SERPINB10: variants seen among roughly 807,000 people sequenced by gnomAD.
SERPINB10 encodes the protein serpin B10.
Under a neutral mutation model 39.1 loss-of-function variants are expected in SERPINB10, and 35 were observed. The ratio of observed to expected loss-of-function variants is 0.90; its 90% CI spans 0.68 to 1.19. The LOEUF (loss-of-function observed/expected upper bound fraction) is 1.19, where lower values mean the gene tolerates loss of function less well. Among genes scored for constraint, SERPINB10 ranks in the 50% most tolerant of loss-of-function variants. The pLI, the probability that SERPINB10 is intolerant of heterozygous loss-of-function variation, is 0.00. For synonymous variants in SERPINB10, 190 were observed against 158.1 expected (o/e 1.20, Z -1.52); for missense variants, 546 against 460.5 (o/e 1.19, Z -1.70).
intron 5 of SERPINB10, among the ~76,000 whole-genome samples, chr18:63,925,669 A>T (rs927004983): frequency 5.9e-5 from 9 of 152,054 alleles, no homozygotes; most frequent in African/African-American, 2.2e-4. Flanking sequence ...AAATAAATGA[A>T]GAAGGGAAGG....
At position 63,930,207 on chromosome 18, in the gene SERPINB10, C is replaced by A; in HGVS notation, c.633+20C>A. The A allele has an allele frequency of 6.2e-7, 1 of 1,610,484 alleles. No homozygotes were observed. Among genetic ancestry groups the A allele is most frequent in the South Asian group, 1.1e-5 (1 of 90,928 alleles). On this transcript the variant is annotated intron_variant, in intron 6 of 7. Coordinates refer to ENST00000238508, the MANE Select transcript of SERPINB10 (RefSeq NM_005024.3). ...AACGAGGTAGGAAATTTTTAAAGAT[C>A]AGTTTGGATTTTCACATGGCATTGT...
chr18:63,917,876 C>T, intron 3 of SERPINB10, 89 bp from the exon 4 acceptor site: 1 of 1,223,830 alleles, frequency 8.2e-7, no homozygotes, highest in Non-Finnish European at 1.2e-6. Context: ...GTTTGCAATT[C>T]CCCAAATAAT....
chr18:63,919,930 C>T (rs1375170617), intron 5 of SERPINB10, 25 bp downstream of exon 5: 2 of 1,450,864 alleles, frequency 1.4e-6, no homozygotes, highest in Admixed American at 3.9e-5. Context: ...AGGGGTTTGG[C>T]AGCGTGCTTT....
intron 5 of SERPINB10, among the ~76,000 whole-genome samples, 175 bp from the exon 6 acceptor site, chr18:63,929,866 CTATT>C (rs1259540852): frequency 6.6e-6 from 1 of 152,000 alleles, no homozygotes; most frequent in Admixed American, 6.6e-5. Flanking sequence ...CAGGGTTTCT[CTATT>C]TATTCACAGC....
At chr18:63,927,282 A>T (rs1381979771) in intron 5 of SERPINB10, among the ~76,000 whole-genome samples, 1 of 152,074 alleles carries the variant, frequency 6.6e-6, no homozygotes, top group African/African-American at 2.4e-5. Context: ...AAAATTAGAA[A>T]TGAAGGTTGA....
chr18:63,921,794 G>A (rs2050148524), intron 5 of SERPINB10, among the ~76,000 whole-genome samples: 1 of 151,802 alleles, frequency 6.6e-6, no homozygotes, highest in Non-Finnish European at 1.5e-5. Flanking sequence ...TTAAACTCTT[G>A]TCACTCCCTG....
chr18:63,917,652 C>CT (rs1250539024), intron 3 of SERPINB10, 131 bp downstream of exon 3: 3 of 564,502 alleles, frequency 5.3e-6, no homozygotes, highest in Non-Finnish European at 9.1e-6. Flanking sequence ...GTTACAGAAA[C>CT]TTTTTTTGGA....
chr18:63,913,764 T>C (rs2144719680), intron 1 of SERPINB10, among the ~76,000 whole-genome samples: 1 of 152,166 alleles, frequency 6.6e-6, no homozygotes, highest in Middle Eastern at 3.4e-3. Context: ...GGCTGGAGTA[T>C]TCTGTAGATG....
intron 5 of SERPINB10, among the ~76,000 whole-genome samples, chr18:63,924,918 G>T (rs73961818): frequency 0.01 from 1,548 of 151,850 alleles, 20 homozygotes; most frequent in African/African-American, 0.036. Context: ...CAGCATTTTT[G>T]ACTATAAATT....
At position 63,917,454 on chromosome 18, in the gene SERPINB10, AG is replaced by A; in HGVS notation, c.169del. On this transcript the variant is annotated splice_acceptor_variant, in intron 2 of 7. Transcript: ENST00000238508. LOFTEE classifies it high-confidence loss of function. Reference sequence around the variant, plus strand: ...TCATTTGTATTTTTATTGAAATTACAGGTGCTTCAATTTAACAGAGACCAGG... The same window carrying A: ...TCATTTGTATTTTTATTGAAATTACAGTGCTTCAATTTAACAGAGACCAGG... The A allele has an allele frequency of 1.3e-6, 2 of 1,555,652 alleles. No individual in the cohort carries two copies. The highest frequency in any genetic ancestry group is 1.7e-6 in the Non-Finnish European group (2 of 1,147,480).
In SERPINB10 at chr18:63,934,938, A is replaced by G. The variant is rs2050250758; in HGVS notation, c.890A>G (p.Glu297Gly). The change falls in exon 8 of 8, where the codon GAA becomes GGA. Residue 297 changes from glutamate to glycine, a missense_variant. By Grantham distance (98) the Glu-to-Gly change is moderately conservative (BLOSUM62 -2). Coordinates refer to ENST00000238508, the MANE Select transcript of SERPINB10 (RefSeq NM_005024.3). ...VQLHLPKFKL[E>G]DSYDLKSTLS... Reference sequence around the variant, plus strand: ...CTACACCTTCCCAAGTTCAAGCTGGAAGACAGTTATGATCTCAAGTCAACC... The same window carrying G: ...CTACACCTTCCCAAGTTCAAGCTGGGAGACAGTTATGATCTCAAGTCAACC... 1.2e-6 allele frequency: 2 copies of G among 1,614,244 alleles called. No homozygotes were observed. The highest frequency in any genetic ancestry group is 2.7e-5 in the African/African-American group (2 of 75,060).
rs143009235 is a variant in SERPINB10 at position 63,917,492 on chromosome 18, G to T, written c.205G>T (p.Asp69Tyr). The change falls in exon 3 of 8, where the codon GAC becomes TAC. Residue 69 changes from aspartate to tyrosine, a missense_variant. Asp to Tyr is a radical substitution (Grantham distance 160). Coordinates refer to ENST00000238508, the MANE Select transcript of SERPINB10 (RefSeq NM_005024.3). ...QFNRDQGVKCDPESEKKRKME... is the reference protein window; with the variant it reads ...QFNRDQGVKCYPESEKKRKME... ...TAACAGAGACCAGGGAGTCAAATGT[G>T]ACCCTGAAAGTGAAAAAAAAAGGAA... is the stretch of plus-strand genomic sequence containing the variant. 8,563 of 1,577,830 alleles carry T rather than the reference G, an allele frequency of 5.4e-3. 34 individuals carry two copies. The highest frequency in any genetic ancestry group is 0.011 in the Middle Eastern group (64 of 5,690).
Position 63,930,133 on chromosome 18 carries a change from G to A in SERPINB10, c.579G>A (p.Trp193Ter), listed in dbSNP as rs1459997133. ...LVNALYFKGI[W>*]EHQFLVQNTT... is the part of the protein sequence containing the mutation. Reference sequence around the variant, plus strand: ...ACGCCCTATACTTTAAAGGAATCTGGGAACATCAATTCTTAGTGCAAAACA... The same window carrying A: ...ACGCCCTATACTTTAAAGGAATCTGAGAACATCAATTCTTAGTGCAAAACA... The change falls in exon 6 of 8, where the codon TGG (tryptophan) becomes TGA (stop). Residue 193 changes from tryptophan to a stop codon, truncating the protein, a stop_gained. Coordinates refer to ENST00000238508, the MANE Select transcript of SERPINB10 (RefSeq NM_005024.3). LOFTEE classifies it high-confidence loss of function. 1 of 1,613,474 alleles carries A rather than the reference G, an allele frequency of 6.2e-7. No individual in the cohort carries two copies. The highest frequency in any genetic ancestry group is 2.2e-5 in the East Asian group (1 of 44,858).
intron 1 of SERPINB10, among the ~76,000 whole-genome samples, chr18:63,908,421 G>A (rs1176512333): frequency 1.3e-5 from 2 of 151,930 alleles, no homozygotes; most frequent in African/African-American, 2.4e-5. Context: ...CTCTCAGGAC[G>A]GTTGAGCCAA....
intron 5 of SERPINB10, among the ~76,000 whole-genome samples, chr18:63,923,345 G>C (rs2050159386): frequency 1.3e-5 from 2 of 151,936 alleles, no homozygotes; most frequent in South Asian, 4.1e-4. Flanking sequence ...CTTTGTCGAG[G>C]CAGAGTTCCA....
At chr18:63,932,705 C>A (rs185659017) in intron 6 of SERPINB10, among the ~76,000 whole-genome samples, 1 of 152,198 alleles carries the variant, frequency 6.6e-6, no homozygotes, top group Admixed American at 6.5e-5. Context: ...AATACTTTCT[C>A]AAATATTTTC....
intron 5 of SERPINB10, among the ~76,000 whole-genome samples, chr18:63,929,191 A>G (rs1305951486): frequency 1.3e-5 from 2 of 152,150 alleles, no homozygotes; most frequent in African/African-American, 4.8e-5. Context: ...TAATCTCCAT[A>G]TATGTATATA....
intron 5 of SERPINB10, among the ~76,000 whole-genome samples, chr18:63,921,181 A>G (rs1466767828): frequency 5.9e-5 from 9 of 152,006 alleles, no homozygotes; most frequent in Non-Finnish European, 1.0e-4. Context: ...AATGAAGATT[A>G]ATTCATCATT....
chr18:63,920,625 AG>A (rs1345913285), intron 5 of SERPINB10, among the ~76,000 whole-genome samples: 4 of 152,002 alleles, frequency 2.6e-5, no homozygotes, highest in African/African-American at 9.7e-5. Context: ...ATGCCCTGGA[AG>A]TTTCACATGT....
Sources: allele counts gnomAD v4.1 joint callset (sites outside exome capture counted in the v4.1 genomes callset), GRCh38; gene constraint gnomAD v4.1.1; transcripts MANE v1.5; gene names NCBI Gene and HGNC (gene_info 2026-07-23, HGNC 2026-07-21).